NRK: variants seen among roughly 807,000 people sequenced by gnomAD.
The protein encoded by NRK is nik-related protein kinase.
NRK carries 67 observed loss-of-function variants against 125.2 expected under a neutral mutation model. The observed-to-expected ratio is 0.54, with a 90% CI of 0.44 to 0.66. The LOEUF (loss-of-function observed/expected upper bound fraction) is 0.66, where lower values mean the gene tolerates loss of function less well. NRK is among the 30% of genes least tolerant of loss of function. NRK has a pLI of 0.00. For synonymous variants in NRK, 458 were observed against 429.0 expected (o/e 1.07, Z -0.84); for missense variants, 1,224 against 1,192.9 (o/e 1.03, Z -0.38).
chrX:105,872,316 T>C (rs1223028286), intron 2 of NRK, among the ~76,000 whole-genome samples: 2 of 111,582 alleles, frequency 1.8e-5, no homozygotes, highest in Admixed American at 9.5e-5. Context: ...AGCTTAATAA[T>C]CTTGTCAATT....
chrX:105,826,883 C>A (rs1311450059), intron 1 of NRK, among the ~76,000 whole-genome samples: 1 of 111,002 alleles, frequency 9.0e-6, no homozygotes, highest in Non-Finnish European at 1.9e-5. Flanking sequence ...CACTGCACAT[C>A]AGTTTATTTT....
rs1016009575 is a variant in NRK at position 105,957,843 on chromosome X, A to G, written c.*2243A>G. On this transcript the variant is annotated 3_prime_UTR_variant, in exon 29 of 29. Transcript: ENST00000243300. ...TGACTTAGATGTAAATCCATCTGGA[A>G]TCTTTACATCCTTTGCCAGCTGAAA... 2.7e-5 allele frequency: 3 copies of G among 112,737 alleles called. No homozygotes were observed. The highest frequency in any genetic ancestry group is 9.7e-5 in the African/African-American group (3 of 31,070). The allele number at this position is 112,737 out of a possible 1,213,427, so 9.3% of individuals were successfully genotyped here. A position where few individuals can be genotyped will look rare whatever the true frequency, so the allele number is the denominator to read the frequency against.
chrX:105,828,710 A>G (rs2039147522), intron 1 of NRK, among the ~76,000 whole-genome samples: 1 of 111,874 alleles, frequency 8.9e-6, no homozygotes, highest in African/African-American at 3.2e-5. Flanking sequence ...AATATGCTAC[A>G]GTGATAAAGT....
At chrX:105,941,197 C>A (rs781595869) in intron 23 of NRK, among the ~76,000 whole-genome samples, 24 of 111,339 alleles carry the variant, frequency 2.2e-4, no homozygotes, top group Non-Finnish European at 4.1e-4. Flanking sequence ...TATTGCAAAT[C>A]TGTGCTCTTT....
At chrX:105,870,095 G>GA (rs958993034) in intron 2 of NRK, among the ~76,000 whole-genome samples, 6 of 110,565 alleles carry the variant, frequency 5.4e-5, no homozygotes, top group African/African-American at 1.6e-4. Flanking sequence ...GTAACTGAAA[G>GA]AAAAAAAATC....
intron 16 of NRK, among the ~76,000 whole-genome samples, chrX:105,919,207 C>G (rs948891350): frequency 4.5e-5 from 5 of 110,167 alleles, no homozygotes; most frequent in Non-Finnish European, 9.5e-5. Flanking sequence ...AAAATCTAAG[C>G]ACACAAAAAC....
intron 24 of NRK, among the ~76,000 whole-genome samples, chrX:105,944,934 T>C (rs143867717): frequency 1.2e-4 from 13 of 112,055 alleles, no homozygotes; most frequent in African/African-American, 4.2e-4. Flanking sequence ...AACAATTGAG[T>C]GTCTTAAACA....
rs1000337517 is a variant in NRK, at chrX:105,887,753, A to G, written c.253-541A>G. ...TAAAATGTCCAGAACTGATAAATCT[A>G]CTGAGACATAAAGTGGATTAGTGAT... On this transcript the variant is annotated intron_variant, in intron 4 of 28. Transcript: ENST00000243300. 3.6e-5 allele frequency among the ~76,000 whole-genome samples: 4 copies of G among 112,071 alleles called. No homozygotes were observed. In the Admixed American group the frequency reaches 3.8e-4, roughly 11 times the overall value.
chrX:105,944,545 A>G (rs767650635), intron 24 of NRK, among the ~76,000 whole-genome samples: 1 of 111,683 alleles, frequency 9.0e-6, no homozygotes, highest in Non-Finnish European at 1.9e-5. Context: ...CCTGTAGTCA[A>G]TATGAAGACC....
chrX:105,895,859 A>G (rs1294649156), intron 7 of NRK, among the ~76,000 whole-genome samples: 2 of 111,977 alleles, frequency 1.8e-5, no homozygotes, highest in African/African-American at 6.5e-5. Flanking sequence ...ACCATGTGCA[A>G]ATTTCGATGC....
chrX:105,909,885 A>G lies in NRK; in HGVS notation c.2241+3A>G. On this transcript the variant is annotated splice_donor_region_variant and intron_variant, in intron 13 of 28. Transcript: ENST00000243300. ...AAGAATTGAGACAAGTTGATAAAGT[A>G]AGAATTTTTGATATTTTTACTCTGA... is the stretch of plus-strand genomic sequence containing the variant. The G allele has an allele frequency of 8.9e-7, 1 of 1,119,603 alleles. No individual in the cohort carries two copies. The highest frequency in any genetic ancestry group is 1.2e-6 in the Non-Finnish European group (1 of 848,388). 92.3% of individuals were successfully genotyped at this position (1,119,603 alleles called of 1,213,427 possible).
At chrX:105,920,946 G>A (rs1374493852) in intron 16 of NRK, among the ~76,000 whole-genome samples, 8 of 91,764 alleles carry the variant, frequency 8.7e-5, no homozygotes, top group East Asian at 6.8e-4. Flanking sequence ...ATCTAGAACT[G>A]GAAATACCAT....
intron 19 of NRK, among the ~76,000 whole-genome samples, chrX:105,928,599 CTA>C (rs1160037622): frequency 9.0e-6 from 1 of 110,754 alleles, no homozygotes; most frequent in Non-Finnish European, 1.9e-5. Context: ...CAAAATCTTT[CTA>C]CTTTTTTAAT....
intron 14 of NRK, among the ~76,000 whole-genome samples, chrX:105,913,677 C>T (rs2040329680): frequency 9.0e-6 from 1 of 111,078 alleles, no homozygotes; most frequent in South Asian, 3.7e-4. Context: ...ACCAAATACC[C>T]AGAGTTTAAA....
At chrX:105,877,796 C>T (rs2039834139) in intron 2 of NRK, among the ~76,000 whole-genome samples, 3 of 109,057 alleles carry the variant, frequency 2.8e-5, no homozygotes, top group Non-Finnish European at 5.8e-5. Context: ...GAAATAACTT[C>T]ATTCAATTTT....
At chrX:105,947,617 G>A (rs1329046437) in intron 26 of NRK, among the ~76,000 whole-genome samples, 1 of 111,412 alleles carries the variant, frequency 9.0e-6, no homozygotes, top group Non-Finnish European at 1.9e-5. Flanking sequence ...TGGCAATGAT[G>A]TTTGTCCTAT....
chrX:105,900,167 CA>C (rs1165766181), intron 8 of NRK, among the ~76,000 whole-genome samples: 8 of 107,841 alleles, frequency 7.4e-5, no homozygotes, highest in African/African-American at 2.7e-4. Context: ...CACACACACA[CA>C]CACACACACA....
chrX:105,884,367 C>T (rs755170559), intron 4 of NRK, among the ~76,000 whole-genome samples: 1 of 109,869 alleles, frequency 9.1e-6, no homozygotes, highest in Non-Finnish European at 1.9e-5. Context: ...ATATAAATAC[C>T]GGGCATTTTA....
chrX:105,828,636 CAA>C (rs1350854508), intron 1 of NRK, among the ~76,000 whole-genome samples: 1 of 111,505 alleles, frequency 9.0e-6, no homozygotes, highest in East Asian at 2.8e-4. Context: ...GACAGATGGC[CAA>C]AGACTGTTTC....
Sources: gnomAD v4.1 joint callset for allele counts (sites outside exome capture counted in the v4.1 genomes callset) on GRCh38, gnomAD v4.1.1 for gene constraint, MANE v1.5 for transcripts, NCBI Gene and HGNC (gene_info 2026-07-23, HGNC 2026-07-21) for gene names.